The following YLPM1 variants were observed in gnomAD, a reference collection of about 807,000 sequenced individuals.
YLPM1 encodes YLP motif-containing protein 1.
A neutral mutation model predicts 230.0 loss-of-function variants in YLPM1; 99 were observed. That is an observed-to-expected ratio of 0.43 (90% CI 0.37 to 0.51). YLPM1 has a LOEUF of 0.51. Among genes scored for constraint, YLPM1 ranks in the 20% least tolerant of loss-of-function variants. The probability of loss-of-function intolerance (pLI) is 0.00; values close to 1 mark genes in which losing one functional copy is unlikely to be tolerated. For missense variants in YLPM1, 2,592 were observed against 2,707.7 expected (o/e 0.96, Z 0.95); for synonymous variants, 984 against 942.5 (o/e 1.04, Z -0.81).
intron 17 of YLPM1, 108 bp downstream of exon 17, chr14:74,821,245 T>A: frequency 7.3e-7 from 1 of 1,376,474 alleles, no homozygotes; most frequent in Non-Finnish European, 9.5e-7. Flanking sequence ...TACACTTTAG[T>A]GGTAAAAGTT....
At chr14:74,810,476 AAAG>A in intron 9 of YLPM1, 56 bp downstream of exon 9, 2 of 1,529,570 alleles carry the variant, frequency 1.3e-6, no homozygotes, top group Non-Finnish European at 1.8e-6. Flanking sequence ...CTTAACAGTA[AAAG>A]TTTAAGAGAA....
intron 1 of YLPM1, among the ~76,000 whole-genome samples, chr14:74,768,538 C>G (rs1312225344): frequency 6.6e-6 from 1 of 152,178 alleles, no homozygotes; most frequent in Non-Finnish European, 1.5e-5. Context: ...TGAGCCACTG[C>G]GCCCGGTCGG....
intron 4 of YLPM1, among the ~76,000 whole-genome samples, chr14:74,783,331 C>T (rs907713563): frequency 6.6e-6 from 1 of 152,136 alleles, no homozygotes; most frequent in African/African-American, 2.4e-5. Context: ...GGCCTCCCTG[C>T]CTGCCGTGGC....
At chr14:74,778,400 G>A in intron 1 of YLPM1, 47 bp from the exon 2 acceptor site, 1 of 1,515,648 alleles carries the variant, frequency 6.6e-7, no homozygotes, top group Non-Finnish European at 9.0e-7. Flanking sequence ...AAGTTGCAGA[G>A]ATACATGATT....
At chr14:74,816,434 A>C in intron 12 of YLPM1, 137 bp from the exon 13 acceptor site, 1 of 1,286,698 alleles carries the variant, frequency 7.8e-7, no homozygotes, top group Non-Finnish European at 1.1e-6. Flanking sequence ...TTATCTACTC[A>C]GAGAAACATT....
intron 5 of YLPM1, among the ~76,000 whole-genome samples, chr14:74,801,034 A>G (rs1163054742): frequency 1.3e-5 from 2 of 152,212 alleles, no homozygotes; most frequent in Non-Finnish European, 2.9e-5. Flanking sequence ...TGTGTTATTT[A>G]TGGAGAATAC....
intron 2 of YLPM1, 105 bp from the exon 3 acceptor site, chr14:74,780,300 G>T: frequency 7.3e-7 from 1 of 1,379,146 alleles, no homozygotes; most frequent in Non-Finnish European, 9.6e-7. Flanking sequence ...TTGACAGTTG[G>T]ATATTTCTGA....
intron 1 of YLPM1, among the ~76,000 whole-genome samples, chr14:74,774,988 AC>A (rs2091019706): frequency 6.6e-6 from 1 of 152,232 alleles, no homozygotes; most frequent in Admixed American, 6.5e-5. Context: ...TCCAGTGAAT[AC>A]ATATCACTTT....
chr14:74,792,207 C>G (rs1186713660), intron 4 of YLPM1, among the ~76,000 whole-genome samples: 1 of 149,124 alleles, frequency 6.7e-6, no homozygotes, highest in Non-Finnish European at 1.5e-5. Flanking sequence ...TGGTCACCTT[C>G]TTTCGCCTTT....
At chr14:74,824,343 A>G in intron 18 of YLPM1, 36 bp downstream of exon 18, 2 of 1,594,024 alleles carry the variant, frequency 1.3e-6, no homozygotes, top group Non-Finnish European at 1.7e-6. Flanking sequence ...TATATGTGAT[A>G]CCTGATGGTA....
intron 19 of YLPM1, among the ~76,000 whole-genome samples, chr14:74,829,860 T>C (rs991443568): frequency 6.6e-6 from 1 of 152,216 alleles, no homozygotes; most frequent in African/African-American, 2.4e-5. Flanking sequence ...TTCTTCTAAT[T>C]AAGTTAGAAA....
chr14:74,806,671 TG>T lies in YLPM1; in HGVS notation c.4522-2707del, dbSNP rs2091381638. 2.0e-5 allele frequency among the ~76,000 whole-genome samples: 3 copies of T among 152,282 alleles called. No individual in the cohort carries two copies. In the South Asian group the frequency reaches 6.2e-4, roughly 32 times the overall value. On this transcript the variant is annotated intron_variant, in intron 6 of 20. Transcript: ENST00000325680. ...GTAAGCATTAGCTACTTAATATTTT[TG>T]GTATATTTAATAATTTTAATACAGC...
At position 74,764,135 on chromosome 14, in the gene YLPM1, T is replaced by C; in HGVS notation, c.646T>C (p.Ser216Pro). The change falls in exon 1 of 21, where the codon TCC becomes CCC. Residue 216 changes from serine (S) to proline (P), a missense_variant. This residue lies in a region of YLPM1 where 1,862 missense variants were observed against 1,819.8 expected (regional missense o/e 1.02). Transcript: ENST00000325680. ...CTCATCCTCCTCCTCTTCCTCGCAA[T>C]CCTATTTGAGCCATTCCCAGTCCTA... The part of the protein sequence containing the change: ...SYSSSSSSSQ[S>P]YLSHSQSYLP... 2 of 1,612,968 alleles carry C rather than the reference T, an allele frequency of 1.2e-6. No individual in the cohort carries two copies. Among genetic ancestry groups the C allele is most frequent in the Non-Finnish European group, 1.7e-6 (2 of 1,179,678 alleles).
Position 74,822,146 on chromosome 14 carries a change from T to A in YLPM1, c.6111+1009T>A, listed in dbSNP as rs190908294. On this transcript the variant is annotated intron_variant, in intron 17 of 20. Coordinates refer to ENST00000325680, the MANE Select transcript of YLPM1 (RefSeq NM_019589.3). ...TTTGAGTCTCAGTATGTGTTTTTTT[T>A]AAATCTAGTTTTCTTAAGTTGTATT... 3.9e-5 allele frequency: 6 copies of A among 152,330 alleles called. No homozygotes were observed. The East Asian group carries it at 7.7e-4, about 20-fold the overall frequency. 9.4% of individuals were successfully genotyped at this position (152,330 alleles called of 1,614,324 possible).
chr14:74,797,816 C>A lies in YLPM1; in HGVS notation c.2519C>A (p.Pro840His), dbSNP rs1285158102. ...PRQSGPQWKG[P>H]KPAFGQQHQQ... Reference sequence around the variant, plus strand: ...CAGAGTGGACCACAGTGGAAAGGCCCCAAACCAGCTTTTGGACAGCAGCAT... The same window carrying A: ...CAGAGTGGACCACAGTGGAAAGGCCACAAACCAGCTTTTGGACAGCAGCAT... The change falls in exon 5 of 21, where the codon CCC becomes CAC. Residue 840 changes from proline (P) to histidine (H), a missense_variant. Pro to His is a moderately conservative substitution (Grantham distance 77, BLOSUM62 -2). Around this residue, in one of 4 missense-constraint regions of YLPM1, gnomAD observed 1,862 missense variants for 1,819.8 expected, o/e 1.02. Coordinates refer to ENST00000325680, the MANE Select transcript of YLPM1 (RefSeq NM_019589.3). 2 of 1,613,924 alleles carry A rather than the reference C, an allele frequency of 1.2e-6. No individual in the cohort carries two copies. The highest frequency in any genetic ancestry group is 1.7e-5 in the Admixed American group (1 of 60,014).
At chr14:74,790,963 C>A (rs1169365829) in intron 4 of YLPM1, among the ~76,000 whole-genome samples, 1 of 152,138 alleles carries the variant, frequency 6.6e-6, no homozygotes, top group Non-Finnish European at 1.5e-5. Context: ...CAGTAATAGA[C>A]AGGTGCAGTG....
Position 74,835,376 on chromosome 14 carries a change from G to C in YLPM1, c.6406G>C (p.Ala2136Pro), listed in dbSNP as rs1188698838. 1 of 1,613,672 alleles carries C rather than the reference G, an allele frequency of 6.2e-7. No individual in the cohort carries two copies. The highest frequency in any genetic ancestry group is 1.7e-5 in the Admixed American group (1 of 59,990). The change falls in exon 20 of 21, where the codon GCT becomes CCT. Residue 2136 changes from alanine to proline, a missense_variant. Ala to Pro is a conservative substitution (Grantham distance 27, BLOSUM62 -1). Coordinates refer to ENST00000325680, the MANE Select transcript of YLPM1 (RefSeq NM_019589.3). ...GATCACAGATGAAAGTGGTCACCTG[G>C]CTGAAAAAGCCCTCAATCGAACCAA... ...EKITDESGHLAEKALNRTKYI is the reference protein window; with the variant it reads ...EKITDESGHLPEKALNRTKYI
chr14:74,818,370 T>C, intron 16 of YLPM1, 56 bp downstream of exon 16: 1 of 1,466,418 alleles, frequency 6.8e-7, no homozygotes, highest in Non-Finnish European at 9.2e-7. Flanking sequence ...TTCACCTTTT[T>C]ACTTTGAAAA....
At chr14:74,766,867 A>AAAACC (rs1023698682) in intron 1 of YLPM1, among the ~76,000 whole-genome samples, 4 of 151,432 alleles carry the variant, frequency 2.6e-5, no homozygotes, top group African/African-American at 9.7e-5. Flanking sequence ...AAAACAAAAC[A>AAAACC]AAACCAAGAC....
Sources: gnomAD v4.1 joint callset for allele counts (sites outside exome capture counted in the v4.1 genomes callset) on GRCh38, gnomAD v4.1.1 for gene constraint, gnomAD v4.1.1 regional missense constraint, MANE v1.5 for transcripts, NCBI Gene and HGNC (gene_info 2026-07-23, HGNC 2026-07-21) for gene names.